SYNPO2: variants seen among roughly 807,000 people sequenced by gnomAD.
SYNPO2 encodes synaptopodin 2.
A neutral mutation model predicts 85.0 loss-of-function variants in SYNPO2; 56 were observed. That is an observed-to-expected ratio of 0.66 (90% CI 0.53 to 0.82). SYNPO2 has a LOEUF of 0.82. SYNPO2 is among the 40% of genes least tolerant of loss of function. The probability of loss-of-function intolerance (pLI) is 0.00; values close to 1 mark genes in which losing one functional copy is unlikely to be tolerated. For missense variants in SYNPO2, 1,575 were observed against 1,534.2 expected (o/e 1.03, Z -0.44); for synonymous variants, 602 against 591.1 (o/e 1.02, Z -0.27).
At chr4:118,999,902 C>T (rs139685955) in intron 1 of SYNPO2, among the ~76,000 whole-genome samples, 1 of 152,240 alleles carries the variant, frequency 6.6e-6, no homozygotes, top group East Asian at 1.9e-4. Context: ...TGTTCAATAC[C>T]ACCGTGTATT....
chr4:118,971,384 T>C (rs1735535909), intron 1 of SYNPO2, among the ~76,000 whole-genome samples: 1 of 152,222 alleles, frequency 6.6e-6, no homozygotes, highest in African/African-American at 2.4e-5. Context: ...TCCCAAATGT[T>C]GAAGGCTTAG....
intron 1 of SYNPO2, among the ~76,000 whole-genome samples, chr4:118,918,030 GGTAGAAGAGAAA>G (rs1241150047): frequency 6.6e-6 from 1 of 152,136 alleles, no homozygotes; most frequent in Non-Finnish European, 1.5e-5. Flanking sequence ...TGTTGAGTTA[GGTAGAAGAGAAA>G]GTAGGTGAAG....
At chr4:119,048,836 G>A (rs1738952103) in intron 4 of SYNPO2, among the ~76,000 whole-genome samples, 1 of 152,196 alleles carries the variant, frequency 6.6e-6, no homozygotes, top group Non-Finnish European at 1.5e-5. Context: ...ATTTTGTGGG[G>A]TCTTGTAGGT....
chr4:119,051,186 A>ATGTTTTTTTTTTTTT lies in SYNPO2; in HGVS notation c.3253-6214_3253-6213insGTTTTTTTTTTTTTT, dbSNP rs376359189. Among the ~76,000 whole-genome samples the ATGTTTTTTTTTTTTT allele has an allele frequency of 3.0e-5, 3 of 100,720 alleles. 1 individual carries two copies. Among genetic ancestry groups the ATGTTTTTTTTTTTTT allele is most frequent in the Non-Finnish European group, 5.7e-5 (3 of 52,788 alleles). The allele number at this position is 100,720 out of a possible 152,430, so 66.1% of individuals were successfully genotyped here. A position where few individuals can be genotyped will look rare whatever the true frequency, so the allele number is the denominator to read the frequency against. ...CACTGGGGTAAAGCCATGGGAAGCA[A>ATGTTTTTTTTTTTTT]TTTTTTTTTTTTTTTTTTTTTGAGA... On this transcript the variant is annotated intron_variant, in intron 4 of 4. Transcript: ENST00000307142.
Position 119,008,435 on chromosome 4 carries a change from C to CTT in SYNPO2, c.106-14982_106-14981dup, listed in dbSNP as rs530354869. On this transcript the variant is annotated intron_variant, in intron 1 of 4. Transcript: ENST00000307142. ...AGCACACTGGTTTAAATTGCACAGGCTTTTTTTTTTTTTTCCTTGGCAAAG... is the reference window on the plus strand; with the variant it reads ...AGCACACTGGTTTAAATTGCACAGGCTTTTTTTTTTTTTTTTCCTTGGCAAAG... Among the ~76,000 whole-genome samples the CTT allele has an allele frequency of 4.2e-4, 59 of 139,746 alleles. 1 individual carries two copies. Among genetic ancestry groups the CTT allele is most frequent in the Non-Finnish European group, 5.8e-4 (37 of 64,328 alleles). The allele number at this position is 139,746 out of a possible 152,430, so 91.7% of individuals were successfully genotyped here.
At chr4:118,961,990 A>G (rs1735114711) in intron 1 of SYNPO2, among the ~76,000 whole-genome samples, 1 of 152,214 alleles carries the variant, frequency 6.6e-6, no homozygotes, top group African/African-American at 2.4e-5. Context: ...TTGGTCAGAA[A>G]GATAAAATTT....
intron 1 of SYNPO2, among the ~76,000 whole-genome samples, chr4:118,869,518 C>T (rs1731763475): frequency 6.6e-6 from 1 of 152,148 alleles, no homozygotes; most frequent in Non-Finnish European, 1.5e-5. Context: ...TATGCAATTT[C>T]ATTTCATGCA....
At chr4:118,920,544 C>CT (rs1210049122) in intron 1 of SYNPO2, among the ~76,000 whole-genome samples, 1 of 152,032 alleles carries the variant, frequency 6.6e-6, no homozygotes, top group Non-Finnish European at 1.5e-5. Flanking sequence ...GGACAGAACT[C>CT]TAAGAACAAA....
intron 1 of SYNPO2, among the ~76,000 whole-genome samples, chr4:118,917,914 A>G (rs1483360806): frequency 3.3e-5 from 5 of 152,358 alleles, no homozygotes; most frequent in East Asian, 1.9e-4. Flanking sequence ...AGCTAAATAT[A>G]TAGTAGCAGG....
intron 1 of SYNPO2, among the ~76,000 whole-genome samples, chr4:118,860,093 T>C (rs1731582600): frequency 6.6e-6 from 1 of 152,188 alleles, no homozygotes; most frequent in Non-Finnish European, 1.5e-5. Context: ...TGCCCGTCTT[T>C]TGGATAAAAG....
chr4:118,961,008 G>C (rs1735060012), intron 1 of SYNPO2, among the ~76,000 whole-genome samples: 1 of 151,698 alleles, frequency 6.6e-6, no homozygotes, highest in Non-Finnish European at 1.5e-5. Flanking sequence ...CCATGCCTAA[G>C]ATGTTCTACT....
In SYNPO2 at chr4:119,030,223, T is replaced by A; in HGVS notation, c.1448T>A (p.Met483Lys). Residue 483 changes from methionine (M) to lysine (K), a missense_variant, in exon 4 of 5, where the codon ATG (methionine) becomes AAG (lysine). Physicochemically the swap from Met to Lys is moderately conservative, Grantham distance 95. Transcript: ENST00000307142. ...KKLNRGDKME[M>K]LPDTTGKGAL... ...CTGAACAGAGGGGACAAGATGGAGATGTTACCAGACACCACAGGCAAGGGA... is the reference window on the plus strand; with the variant it reads ...CTGAACAGAGGGGACAAGATGGAGAAGTTACCAGACACCACAGGCAAGGGA... The A allele has an allele frequency of 6.2e-7, 1 of 1,613,772 alleles. No homozygotes were observed. Among genetic ancestry groups the A allele is most frequent in the Non-Finnish European group, 8.5e-7 (1 of 1,179,950 alleles).
chr4:118,996,539 A>ACAATAAAATAAATATAACG (rs1736600533), intron 1 of SYNPO2, among the ~76,000 whole-genome samples: 1 of 152,198 alleles, frequency 6.6e-6, no homozygotes, highest in Non-Finnish European at 1.5e-5. Flanking sequence ...ACACTTTTGT[A>ACAATAAAATAAATATAACG]CAATAAAAAT....
At chr4:118,914,167 T>C (rs936189544) in intron 1 of SYNPO2, among the ~76,000 whole-genome samples, 14 of 152,110 alleles carry the variant, frequency 9.2e-5, no homozygotes, top group African/African-American at 3.1e-4. Flanking sequence ...TATTGAGAGA[T>C]TGTATTAGAG....
intron 1 of SYNPO2, among the ~76,000 whole-genome samples, chr4:118,861,693 T>A (rs1010292938): frequency 6.6e-6 from 1 of 152,322 alleles, no homozygotes; most frequent in South Asian, 2.1e-4. Flanking sequence ...TATATTCTAC[T>A]GGTGTATGTG....
intron 1 of SYNPO2, among the ~76,000 whole-genome samples, chr4:118,881,924 G>A (rs1578516618): frequency 6.6e-6 from 1 of 152,206 alleles, no homozygotes; most frequent in Non-Finnish European, 1.5e-5. Flanking sequence ...TGATAAATGC[G>A]TGATTCTCCA....
At chr4:118,906,467 A>G (rs996016053) in intron 1 of SYNPO2, among the ~76,000 whole-genome samples, 1 of 152,174 alleles carries the variant, frequency 6.6e-6, no homozygotes, top group South Asian at 2.1e-4. Flanking sequence ...TGCTCTATTT[A>G]TAAAACAAAA....
At position 119,047,806 on chromosome 4, in the gene SYNPO2, G is replaced by T. The variant is rs144355407; in HGVS notation, c.3253-9595G>T. On this transcript the variant is annotated intron_variant, in intron 4 of 4. Transcript: ENST00000307142. ...ACTGTCAAGAAAATTTTCACTGAGG[G>T]CTCATTAGAGCTGGGAGGGACTCTA... Among the ~76,000 whole-genome samples the T allele has an allele frequency of 4.8e-4, 73 of 152,298 alleles. 1 individual carries two copies. Among genetic ancestry groups the T allele is most frequent in the African/African-American group, 1.6e-3 (66 of 41,566 alleles).
chr4:119,007,257 T>C (rs1172627380), intron 1 of SYNPO2, among the ~76,000 whole-genome samples: 20 of 42,566 alleles, frequency 4.7e-4, no homozygotes, highest in East Asian at 7.3e-4. Context: ...TATATACATA[T>C]ATATATATAT....
Sources: gnomAD v4.1 joint callset for allele counts (sites outside exome capture counted in the v4.1 genomes callset) on GRCh38, gnomAD v4.1.1 for gene constraint, MANE v1.5 for transcripts, NCBI Gene and HGNC (gene_info 2026-07-23, HGNC 2026-07-21) for gene names.